The following MARCHF8 variants were observed in gnomAD, a reference collection of about 807,000 sequenced individuals.
The protein encoded by MARCHF8 is membrane associated ring-CH-type finger 8.
In MARCHF8, 40 loss-of-function variants were observed where a neutral mutation model predicts 51.6. The observed-to-expected ratio is 0.77, with a 90% CI of 0.60 to 1.01. The LOEUF is 1.01. MARCHF8 is among the 50% of genes least tolerant of loss of function. MARCHF8 has a pLI of 0.00. For synonymous variants in MARCHF8, 263 were observed against 280.3 expected (o/e 0.94, Z 0.62); for missense variants, 685 against 708.6 (o/e 0.97, Z 0.38).
intron 2 of MARCHF8, among the ~76,000 whole-genome samples, chr10:45,490,781 G>A (rs1368966666): frequency 6.6e-6 from 1 of 152,200 alleles, no homozygotes; most frequent in Non-Finnish European, 1.5e-5. Flanking sequence ...CTGTCACCTA[G>A]GCTGGGAGTG....
At chr10:45,510,206 A>G (rs537518704) in intron 2 of MARCHF8, among the ~76,000 whole-genome samples, 1 of 152,292 alleles carries the variant, frequency 6.6e-6, no homozygotes, top group East Asian at 1.9e-4. Flanking sequence ...AGGCCACACC[A>G]GAAACTGCAC....
At chr10:45,523,381 A>G (rs1053511109) in intron 2 of MARCHF8, among the ~76,000 whole-genome samples, 6 of 152,148 alleles carry the variant, frequency 3.9e-5, no homozygotes, top group African/African-American at 1.4e-4. Flanking sequence ...AAATTTAGCC[A>G]CATGTGATGG....
chr10:45,470,536 G>A (rs1178435293), intron 3 of MARCHF8, among the ~76,000 whole-genome samples: 1 of 152,122 alleles, frequency 6.6e-6, no homozygotes, highest in Non-Finnish European at 1.5e-5. Flanking sequence ...TTATTTTAAG[G>A]TCAACTGTGC....
rs80133289 is a variant in MARCHF8, at chr10:45,462,366, C to T, written c.1088+785G>A. Among the ~76,000 whole-genome samples, 782 of 152,208 alleles carry T rather than the reference C, an allele frequency of 5.1e-3. 36 individuals are homozygous for T. The East Asian group carries it at 0.1, about 20-fold the overall frequency. ...AGTTAGGATGGGACATAGGTGGCTA[C>T]ACCTCAGTTAAAAAGAAGGAAGGAA... is the stretch of plus-strand genomic sequence containing the variant. On this transcript the variant is annotated intron_variant, in intron 5 of 7. Coordinates refer to ENST00000453424, the MANE Select transcript of MARCHF8 (RefSeq NM_001282866.2).
chr10:45,566,964 G>A (rs982934833), intron 1 of MARCHF8, among the ~76,000 whole-genome samples: 9 of 151,990 alleles, frequency 5.9e-5, no homozygotes, highest in African/African-American at 2.2e-4. Context: ...CCTGTCTTTT[G>A]GATATGACAT....
At chr10:45,467,123 T>C (rs914019170) in intron 3 of MARCHF8, among the ~76,000 whole-genome samples, 1 of 152,190 alleles carries the variant, frequency 6.6e-6, no homozygotes, top group African/African-American at 2.4e-5. Context: ...GGAAACAGCG[T>C]TGGCATCCTC....
chr10:45,458,207 G>A lies in MARCHF8; in HGVS notation c.*32C>T, dbSNP rs776640637. On this transcript the variant is annotated 3_prime_UTR_variant, in exon 8 of 8. Coordinates refer to ENST00000453424, the MANE Select transcript of MARCHF8 (RefSeq NM_001282866.2). ...TAAACAATTTCCTTCAGCTCTTCAT[G>A]GATGTCCAGGAAAATGACAACCCGC... The A allele has an allele frequency of 6.3e-6, 10 of 1,578,232 alleles. No homozygotes were observed. In the South Asian group the frequency reaches 1.2e-4, roughly 19 times the overall value.
In MARCHF8 at chr10:45,456,894, G is replaced by T. The variant is rs1222431343; in HGVS notation, c.*1345C>A. 6.6e-6 allele frequency: 1 copy of T among 152,292 alleles called. No individual in the cohort carries two copies. Among genetic ancestry groups the T allele is most frequent in the Non-Finnish European group, 1.5e-5 (1 of 68,064 alleles). The allele number at this position is 152,292 out of a possible 1,614,324, so 9.4% of individuals were successfully genotyped here. ...AATCCCTGATGACAGAATGCACTGA[G>T]AGTGGGGCCAAGGGCCCTGAAGGAT... is the stretch of plus-strand genomic sequence containing the variant. On this transcript the variant is annotated 3_prime_UTR_variant, in exon 8 of 8. Transcript: ENST00000453424.
chr10:45,469,976 C>CAAAA (rs1332205952), intron 3 of MARCHF8, among the ~76,000 whole-genome samples: 1 of 144,558 alleles, frequency 6.9e-6, no homozygotes, highest in Non-Finnish European at 1.5e-5. Context: ...TAAAAATTAT[C>CAAAA]AAAAAAAAAT....
intron 2 of MARCHF8, among the ~76,000 whole-genome samples, chr10:45,527,061 T>G (rs1178743028): frequency 6.6e-6 from 1 of 152,174 alleles, no homozygotes; most frequent in Non-Finnish European, 1.5e-5. Context: ...TTTAAAAATT[T>G]TTTAAACAAA....
intron 1 of MARCHF8, among the ~76,000 whole-genome samples, chr10:45,578,158 T>C (rs567280543): frequency 1.3e-5 from 2 of 152,290 alleles, no homozygotes; most frequent in East Asian, 1.9e-4. Context: ...ACATCATATA[T>C]CCAGATCTTG....
At position 45,488,098 on chromosome 10, in the gene MARCHF8, C is replaced by T. The variant is rs146366139; in HGVS notation, c.153+1269G>A. On this transcript the variant is annotated intron_variant, in intron 3 of 7. Coordinates refer to ENST00000453424, the MANE Select transcript of MARCHF8 (RefSeq NM_001282866.2). ...ACACTCTGCTGGTTCCCAGGCCATACCCTAGCAGCCAGTGTGCTCCTGGTG... is the reference window on the plus strand; with the variant it reads ...ACACTCTGCTGGTTCCCAGGCCATATCCTAGCAGCCAGTGTGCTCCTGGTG... Among the ~76,000 whole-genome samples the T allele has an allele frequency of 2.5e-3, 387 of 152,188 alleles. 1 individual carries two copies. The highest frequency in any genetic ancestry group is 4.4e-3 in the Non-Finnish European group (296 of 68,020).
chr10:45,571,452 A>G (rs2133391532), intron 1 of MARCHF8, among the ~76,000 whole-genome samples: 1 of 151,100 alleles, frequency 6.6e-6, no homozygotes, highest in South Asian at 2.1e-4. Context: ...AAATGGCCCC[A>G]CCCTTTCTCC....
intron 1 of MARCHF8, among the ~76,000 whole-genome samples, chr10:45,545,980 G>C (rs2044115362): frequency 6.6e-6 from 1 of 152,088 alleles, no homozygotes. Context: ...AAAGCTCTGA[G>C]AAATTTCAGG....
chr10:45,512,557 A>G (rs1192462025), intron 2 of MARCHF8, among the ~76,000 whole-genome samples: 4 of 135,998 alleles, frequency 2.9e-5, no homozygotes, highest in South Asian at 2.4e-4. Context: ...CTGGGAAGTG[A>G]GGAGCCCCTC....
chr10:45,508,846 C>G (rs2043438964), intron 2 of MARCHF8, among the ~76,000 whole-genome samples: 1 of 151,848 alleles, frequency 6.6e-6, no homozygotes, highest in Non-Finnish European at 1.5e-5. Flanking sequence ...TTTTTATTGA[C>G]TTTATTATCT....
chr10:45,525,549 A>G (rs1226855582), intron 2 of MARCHF8, among the ~76,000 whole-genome samples: 2 of 152,158 alleles, frequency 1.3e-5, no homozygotes, highest in Non-Finnish European at 2.9e-5. Context: ...AAGGAGGGGG[A>G]GCACAACTCC....
At chr10:45,585,093 G>A (rs2044604183) in intron 1 of MARCHF8, among the ~76,000 whole-genome samples, 1 of 152,168 alleles carries the variant, frequency 6.6e-6, no homozygotes, top group South Asian at 2.1e-4. Context: ...CTGCATTTCT[G>A]ACCTATAGGA....
chr10:45,561,271 C>A (rs1402225139), intron 1 of MARCHF8, among the ~76,000 whole-genome samples: 1 of 150,432 alleles, frequency 6.6e-6, no homozygotes, highest in Non-Finnish European at 1.5e-5. Context: ...AATTATGAAA[C>A]AGAATTTTTT....
Sources: allele counts gnomAD v4.1 joint callset (sites outside exome capture counted in the v4.1 genomes callset), GRCh38; gene constraint gnomAD v4.1.1; transcripts MANE v1.5; gene names NCBI Gene and HGNC (gene_info 2026-07-23, HGNC 2026-07-21).